Variants in SIRT5 observed in about 807,000 individuals in gnomAD.
The protein encoded by SIRT5 is NAD-dependent protein deacylase sirtuin-5, mitochondrial.
A neutral mutation model predicts 40.0 loss-of-function variants in SIRT5; 26 were observed. That is an observed-to-expected ratio of 0.65 (90% CI 0.48 to 0.90). SIRT5 has a LOEUF of 0.90. Among genes scored for constraint, SIRT5 ranks in the 40% least tolerant of loss-of-function variants. SIRT5 has a pLI of 0.00. For synonymous variants in SIRT5, 146 were observed against 149.1 expected (o/e 0.98, Z 0.15); for missense variants, 401 against 402.4 (o/e 1.00, Z 0.03).
intron 2 of SIRT5, among the ~76,000 whole-genome samples, chr6:13,581,925 C>T (rs1009679328): frequency 1.2e-4 from 19 of 152,200 alleles, no homozygotes; most frequent in Admixed American, 1.3e-4. Flanking sequence ...CTTGGCCACT[C>T]ACAGCTCTAG....
chr6:13,578,172 C>G (rs1758864004), intron 1 of SIRT5, among the ~76,000 whole-genome samples: 1 of 152,042 alleles, frequency 6.6e-6, no homozygotes, highest in South Asian at 2.1e-4. Flanking sequence ...GATGAATGAT[C>G]CTTTTAACGT....
At chr6:13,595,698 TGCA>T in intron 6 of SIRT5, 134 bp downstream of exon 6, 1 of 744,030 alleles carries the variant, frequency 1.3e-6, no homozygotes, top group East Asian at 2.7e-5. Flanking sequence ...CAAGGCTGGG[TGCA>T]GTGGCTCATG....
At chr6:13,581,130 C>G (rs1223705654) in intron 2 of SIRT5, among the ~76,000 whole-genome samples, 1 of 152,176 alleles carries the variant, frequency 6.6e-6, no homozygotes, top group African/African-American at 2.4e-5. Context: ...AGTACTACAC[C>G]TAGACATTTA....
chr6:13,591,677 GACTCCCCTGGCCTTTGCCCACA>G lies in SIRT5; in HGVS notation c.261_282del (p.Pro88ArgfsTer27). The G allele has an allele frequency of 6.4e-7, 1 of 1,566,134 alleles. No individual in the cohort carries two copies. The highest frequency in any genetic ancestry group is 8.7e-7 in the Non-Finnish European group (1 of 1,149,498). ...TCCTCTCCCACTCCCAGGACCTGGC[GACTCCCCTGGCCTTTGCCCACA>G]ACCCGTCCCGGGTGTGGGAGTTCTA... On this transcript the variant is annotated frameshift_variant, in exon 5 of 10. Coordinates refer to ENST00000606117, the MANE Select transcript of SIRT5 (RefSeq NM_012241.5). LOFTEE classifies it high-confidence loss of function.
chr6:13,590,957 TTGTG>T (rs1160264307), intron 4 of SIRT5, among the ~76,000 whole-genome samples: 2 of 151,906 alleles, frequency 1.3e-5, no homozygotes, highest in African/African-American at 2.4e-5. Flanking sequence ...TGTGTTTAGT[TTGTG>T]TGTGTAGTTG....
chr6:13,583,031 C>T (rs553292710), intron 2 of SIRT5, among the ~76,000 whole-genome samples: 5 of 152,034 alleles, frequency 3.3e-5, no homozygotes, highest in African/African-American at 1.2e-4. Context: ...CATGGTGAAA[C>T]CCTGTCTCTA....
intron 1 of SIRT5, among the ~76,000 whole-genome samples, chr6:13,577,213 T>C (rs1371436026): frequency 2.0e-5 from 3 of 152,236 alleles, no homozygotes; most frequent in African/African-American, 7.2e-5. Flanking sequence ...TTGATAGAGA[T>C]TACATTGAAT....
chr6:13,611,431 C>G (rs901308801), intron 9 of SIRT5, among the ~76,000 whole-genome samples: 22 of 151,494 alleles, frequency 1.5e-4, no homozygotes, highest in African/African-American at 4.9e-4. Flanking sequence ...TTTGGCAGTA[C>G]AGTCCCAAAA....
intron 1 of SIRT5, among the ~76,000 whole-genome samples, chr6:13,577,937 G>C (rs1584731048): frequency 6.6e-6 from 1 of 152,154 alleles, no homozygotes; most frequent in African/African-American, 2.4e-5. Flanking sequence ...CGTTGAGTAT[G>C]ATTTAGCTGT....
At position 13,584,176 on chromosome 6, in the gene SIRT5, A is replaced by G. The variant is rs1222460962; in HGVS notation, c.66A>G (p.Pro22=). 1.9e-6 allele frequency: 3 copies of G among 1,614,066 alleles called. No homozygotes were observed. The highest frequency in any genetic ancestry group is 2.7e-5 in the African/African-American group (2 of 74,934). ...AGCTATATTGTGGCCTGAAGCCTCC[A>G]GCGTCCACACGAAACCAGATTTGCC... ...ISQLYCGLKP[P]ASTRNQICLK... Residue 22 remains proline (P), a synonymous_variant, in exon 3 of 10, where the codon CCA becomes CCG. Transcript: ENST00000606117.
intron 9 of SIRT5, among the ~76,000 whole-genome samples, chr6:13,608,670 T>G (rs1399021569): frequency 1.3e-5 from 2 of 152,192 alleles, no homozygotes; most frequent in Non-Finnish European, 2.9e-5. Context: ...TATGAATTAT[T>G]TAATTTTTTC....
At position 13,591,794 on chromosome 6, in the gene SIRT5, G is replaced by A; in HGVS notation, c.375G>A (p.Glu125=). Reference sequence around the variant, plus strand: ...GGCACCGCGCCATAGCCGAGTGTGAGACCCGGCTGGGCAAGCAGGGCCGGC... The same window carrying A: ...GGCACCGCGCCATAGCCGAGTGTGAAACCCGGCTGGGCAAGCAGGGCCGGC... ...NAGHRAIAEC[E]TRLGKQGRRV... The change falls in exon 5 of 10, where the codon GAG becomes GAA. Residue 125 remains glutamate, a synonymous_variant. Transcript: ENST00000606117. The A allele has an allele frequency of 6.2e-7, 1 of 1,614,144 alleles. No homozygotes were observed.
chr6:13,591,789 TGTGAGACCCGGCTGGGCAAGCA>T lies in SIRT5; in HGVS notation c.372_393del (p.Cys124TrpfsTer116). Reference sequence around the variant, plus strand: ...CGCCGGGCACCGCGCCATAGCCGAGTGTGAGACCCGGCTGGGCAAGCAGGGCCGGCGAGTCGTGGTCATCACC... The same window carrying T: ...CGCCGGGCACCGCGCCATAGCCGAGTGGGCCGGCGAGTCGTGGTCATCACC... On this transcript the variant is annotated frameshift_variant, in exon 5 of 10. Coordinates refer to ENST00000606117, the MANE Select transcript of SIRT5 (RefSeq NM_012241.5). LOFTEE classifies it high-confidence loss of function. 6.2e-7 allele frequency: 1 copy of T among 1,613,988 alleles called. No individual in the cohort carries two copies.
At position 13,612,340 on chromosome 6, in the gene SIRT5, CTTT is replaced by C. The variant is rs368093809; in HGVS notation, c.*490_*492del. 4.5e-5 allele frequency: 6 copies of C among 133,446 alleles called. No homozygotes were observed. Among genetic ancestry groups the C allele is most frequent in the Admixed American group, 7.5e-5 (1 of 13,320 alleles). 8.3% of individuals were successfully genotyped at this position (133,446 alleles called of 1,614,324 possible). A position where few individuals can be genotyped will look rare whatever the true frequency, so the allele number is the denominator to read the frequency against. ...CCCCACGATATGGCTTTATTAGGGA[CTTT>C]TTTTTTTTTTTTTTGAGACAGAGTT... On this transcript the variant is annotated 3_prime_UTR_variant, in exon 10 of 10. Coordinates refer to ENST00000606117, the MANE Select transcript of SIRT5 (RefSeq NM_012241.5).
Position 13,611,801 on chromosome 6 carries a change from A to G in SIRT5, c.869A>G (p.Gln290Arg), listed in dbSNP as rs1763971497. The change falls in exon 10 of 10, where the codon CAG (glutamine) becomes CGG (arginine). Residue 290 changes from glutamine (Q) to arginine (R), a missense_variant. Transcript: ENST00000606117. ...TTCTTCTCTTTCAGGTTTCATTTCC[A>G]GGGACCCTGTGGAACGACTCTTCCT... ...PATNRFRFHF[Q>R]GPCGTTLPEA... is the part of the protein sequence containing the mutation. 6.2e-7 allele frequency: 1 copy of G among 1,613,484 alleles called. No individual in the cohort carries two copies. The highest frequency in any genetic ancestry group is 8.5e-7 in the Non-Finnish European group (1 of 1,179,446).
rs200182474 is a variant in SIRT5, at chr6:13,600,920, G to A, written c.828G>A (p.Thr276=). The change falls in exon 9 of 10, where the codon ACG becomes ACA. Residue 276 remains threonine, a synonymous_variant. Coordinates refer to ENST00000606117, the MANE Select transcript of SIRT5 (RefSeq NM_012241.5). ...ARGVPVAEFN[T]ETTPATNRFR... ...GCGTGCCAGTGGCTGAATTTAACACGGAGACCACCCCAGCTACGAACAGAT... is the reference window on the plus strand; with the variant it reads ...GCGTGCCAGTGGCTGAATTTAACACAGAGACCACCCCAGCTACGAACAGAT... The A allele has an allele frequency of 8.7e-5, 141 of 1,613,914 alleles. No individual in the cohort carries two copies. The highest frequency in any genetic ancestry group is 1.1e-4 in the East Asian group (5 of 44,894).
chr6:13,610,048 G>A (rs1262599878), intron 9 of SIRT5, among the ~76,000 whole-genome samples: 1 of 152,158 alleles, frequency 6.6e-6, no homozygotes, highest in African/African-American at 2.4e-5. Context: ...ACTCACTGCA[G>A]CTTCAAACTC....
intron 1 of SIRT5, among the ~76,000 whole-genome samples, chr6:13,575,699 T>A (rs932962548): frequency 1.3e-5 from 2 of 152,180 alleles, no homozygotes; most frequent in African/African-American, 4.8e-5. Context: ...CCTGGAAATA[T>A]ACAATACATC....
chr6:13,601,152 T>C (rs1762331707), intron 9 of SIRT5, among the ~76,000 whole-genome samples: 1 of 152,230 alleles, frequency 6.6e-6, no homozygotes, highest in African/African-American at 2.4e-5. Flanking sequence ...TATGCGAAAT[T>C]TGCCGTGGGA....
Sources: gnomAD v4.1 joint callset for allele counts (sites outside exome capture counted in the v4.1 genomes callset) on GRCh38, gnomAD v4.1.1 for gene constraint, MANE v1.5 for transcripts, NCBI Gene and HGNC (gene_info 2026-07-23, HGNC 2026-07-21) for gene names.